The following DLGAP3 variants were observed in gnomAD, a reference collection of about 807,000 sequenced individuals.
DLGAP3 encodes the protein DLG associated protein 3, also known as disks large-associated protein 3.
DLGAP3 carries 17 observed loss-of-function variants against 81.2 expected under a neutral mutation model. The observed-to-expected ratio is 0.21, with a 90% CI of 0.14 to 0.31. The LOEUF (loss-of-function observed/expected upper bound fraction) is 0.31. DLGAP3 is among the 10% of genes least tolerant of loss of function. DLGAP3 has a pLI of 1.00. For synonymous variants in DLGAP3, 577 were observed against 587.4 expected, an observed-to-expected ratio of 0.98 and a Z score of 0.26; for missense variants, 1,124 against 1,388.0, an observed-to-expected ratio of 0.81 and a Z score of 3.02.
chr1:34,865,783 G>C lies in DLGAP3; in HGVS notation c.*300C>G, dbSNP rs1318071865. The C allele has an allele frequency of 2.1e-6, 1 of 476,434 alleles. No individual in the cohort carries two copies. The highest frequency in any genetic ancestry group is 4.4e-5 in the East Asian group (1 of 22,752). The allele number at this position is 476,434 out of a possible 1,614,324, so 29.5% of individuals were successfully genotyped here. A position where few individuals can be genotyped will look rare whatever the true frequency, so the allele number is the denominator to read the frequency against. On this transcript the variant is annotated 3_prime_UTR_variant, in exon 12 of 12. Coordinates refer to ENST00000373347, the MANE Select transcript of DLGAP3 (RefSeq NM_001080418.3). ...GGCCCGGCCTGGCCCGTGGGGGAAAGAATGGCAGAGATGGTGCCCATGGGG... is the reference window on the plus strand; with the variant it reads ...GGCCCGGCCTGGCCCGTGGGGGAAACAATGGCAGAGATGGTGCCCATGGGG...
At chr1:34,888,330 T>TG (rs1222111459) in intron 5 of DLGAP3, among the ~76,000 whole-genome samples, 2 of 152,176 alleles carry the variant, frequency 1.3e-5, no homozygotes, top group Admixed American at 6.5e-5. Flanking sequence ...AGAGGGCAGG[T>TG]GAATTGTCTG....
chr1:34,904,490 G>C lies in DLGAP3; in HGVS notation c.894C>G (p.Asp298Glu). Residue 298 changes from aspartate to glutamate, a missense_variant, in exon 3 of 12, where the codon GAC becomes GAG. This residue lies in a region of DLGAP3 where 357 missense variants were observed against 408.8 expected (regional missense o/e 0.87). Transcript: ENST00000373347. The surrounding 1 kb of genome is among the most constrained non-coding windows in gnomAD (Gnocchi z 8.1). ...CLEGPDGSYR[D>E]LSFKGRSGGS... ...CGCCCGAGCGCCCCTTGAAGCTCAAGTCCCGGTAGGACCCATCTGGACCCT... is the reference window on the plus strand; with the variant it reads ...CGCCCGAGCGCCCCTTGAAGCTCAACTCCCGGTAGGACCCATCTGGACCCT... The C allele has an allele frequency of 6.2e-7, 1 of 1,614,232 alleles. No individual in the cohort carries two copies. Among genetic ancestry groups the C allele is most frequent in the Non-Finnish European group, 8.5e-7 (1 of 1,180,042 alleles).
chr1:34,927,022 A>G (rs1376038525), intron 1 of DLGAP3, among the ~76,000 whole-genome samples: 1 of 152,114 alleles, frequency 6.6e-6, no homozygotes, highest in Non-Finnish European at 1.5e-5. Flanking sequence ...GCAGGTACTA[A>G]CATGAGAAAG....
intron 2 of DLGAP3, among the ~76,000 whole-genome samples, chr1:34,906,094 T>G (rs966467817): frequency 5.7e-4 from 79 of 139,024 alleles, no homozygotes; most frequent in African/African-American, 1.9e-3. Context: ...ATATATATTT[T>G]TATATACACA....
Position 34,895,162 on chromosome 1 carries a change from TC to T in DLGAP3, c.1386+4506del, listed in dbSNP as rs1407705717. 2.0e-5 allele frequency among the ~76,000 whole-genome samples: 3 copies of T among 151,968 alleles called. No individual in the cohort carries two copies. The highest frequency in any genetic ancestry group is 4.4e-5 in the Non-Finnish European group (3 of 68,012). On this transcript the variant is annotated intron_variant, in intron 5 of 11. Coordinates refer to ENST00000373347, the MANE Select transcript of DLGAP3 (RefSeq NM_001080418.3). This position sits in a 1 kb window ranked among gnomAD's most constrained non-coding sequence, Gnocchi z 4.5. ...GCAGGCGGATGACGAGGTCAGGAGA[TC>T]GAGACGATCCTGGCTAACACGGTGA...
chr1:34,877,820 TGAA>T (rs1639081246), intron 8 of DLGAP3, among the ~76,000 whole-genome samples: 1 of 151,728 alleles, frequency 6.6e-6, no homozygotes, highest in Non-Finnish European at 1.5e-5. Flanking sequence ...ACCAGTGGAG[TGAA>T]GAAGAGAAAG....
intron 1 of DLGAP3, chr1:34,925,453 C>T (rs1639859001): frequency 6.6e-6 from 1 of 152,496 alleles, no homozygotes; most frequent in African/African-American, 2.4e-5. Flanking sequence ...TTCTGAGCCC[C>T]CTTTCTGAAG....
Position 34,906,016 on chromosome 1 carries a change from T to TTTTTTATATATATATATATATATATA in DLGAP3, c.-51-583_-51-582insTATATATATATATATATATATAAAAA, listed in dbSNP as rs60469155. On this transcript the variant is annotated intron_variant, in intron 2 of 11. Coordinates refer to ENST00000373347, the MANE Select transcript of DLGAP3 (RefSeq NM_001080418.3). Reference sequence around the variant, plus strand: ...ACAGAGCGAGACCTGGCCTCTAAATTTATATATATATATATATTTGTTTGT... The same window carrying TTTTTTATATATATATATATATATATA: ...ACAGAGCGAGACCTGGCCTCTAAATTTTTTTATATATATATATATATATATATATATATATATATATATTTGTTTGT... Among the ~76,000 whole-genome samples, 111 of 64,792 alleles carry TTTTTTATATATATATATATATATATA rather than the reference T, an allele frequency of 1.7e-3. 5 individuals carry two copies. The highest frequency in any genetic ancestry group is 4.7e-3 in the African/African-American group (101 of 21,608). 42.5% of individuals were successfully genotyped at this position (64,792 alleles called of 152,430 possible).
At chr1:34,907,535 C>T (rs960798885) in intron 1 of DLGAP3, 98 bp from the exon 2 acceptor site, 1 of 152,640 alleles carries the variant, frequency 6.6e-6, no homozygotes, top group Non-Finnish European at 1.5e-5. Context: ...CCCTTCCCAA[C>T]TCCCCCAAAC....
At position 34,882,471 on chromosome 1, in the gene DLGAP3, G is replaced by C. The variant is rs1234628334; in HGVS notation, c.2000+2507C>G. ...CCAGCCTGGACGACAAGAGCAAAAT[G>C]CCATCTCAAAAAAAATAAAATTAAA... On this transcript the variant is annotated intron_variant, in intron 8 of 11. Coordinates refer to ENST00000373347, the MANE Select transcript of DLGAP3 (RefSeq NM_001080418.3). 2.0e-5 allele frequency among the ~76,000 whole-genome samples: 3 copies of C among 152,068 alleles called. No homozygotes were observed. The East Asian group carries it at 5.8e-4, about 29-fold the overall frequency.
At position 34,900,453 on chromosome 1, in the gene DLGAP3, C is replaced by T. The variant is rs554796349; in HGVS notation, c.1108-180G>A. 1.3e-4 allele frequency among the ~76,000 whole-genome samples: 20 copies of T among 152,350 alleles called. No homozygotes were observed. The highest frequency in any genetic ancestry group is 8.3e-4 in the South Asian group (4 of 4,830). On this transcript the variant is annotated intron_variant, in intron 3 of 11. Coordinates refer to ENST00000373347, the MANE Select transcript of DLGAP3 (RefSeq NM_001080418.3). This position sits in a 1 kb window ranked among gnomAD's most constrained non-coding sequence, Gnocchi z 5.6. ...TGTCCCCGTCCCTTACAAGAGACAC[C>T]TCGTCATCCTCCACAGACCTTCTGC...
At chr1:34,909,407 A>G (rs1346472065) in intron 1 of DLGAP3, among the ~76,000 whole-genome samples, 2 of 152,184 alleles carry the variant, frequency 1.3e-5, no homozygotes, top group Non-Finnish European at 1.5e-5. Flanking sequence ...CGTATGTGAC[A>G]CCTGACGTAG....
At position 34,868,729 on chromosome 1, in the gene DLGAP3, G is replaced by C; in HGVS notation, c.2361C>G (p.Arg787=). ...CGCCGTCGCGTGGGCAGGGGGATGC[G>C]CGGCCTGAGTCGGGGAGGCTACGTG... ...RGSRSLPDSG[R]ASPCPRDGEW... Residue 787 remains arginine (R), a synonymous_variant, in exon 9 of 12, where the codon CGC becomes CGG. Transcript: ENST00000373347. This position sits in a 1 kb window ranked among gnomAD's most constrained non-coding sequence, Gnocchi z 7.5. 8 of 1,609,736 alleles carry C rather than the reference G, an allele frequency of 5.0e-6. No homozygotes were observed. Among genetic ancestry groups the C allele is most frequent in the South Asian group, 1.1e-5 (1 of 91,074 alleles).
chr1:34,903,385 C>A (rs952030345), intron 3 of DLGAP3, among the ~76,000 whole-genome samples: 6 of 152,336 alleles, frequency 3.9e-5, no homozygotes, highest in South Asian at 4.1e-4. Context: ...ATCCACAGCA[C>A]CCAGAAAACG....
intron 1 of DLGAP3, among the ~76,000 whole-genome samples, chr1:34,911,801 T>G (rs1414801648): frequency 2.0e-5 from 3 of 152,096 alleles, no homozygotes; most frequent in Non-Finnish European, 2.9e-5. Flanking sequence ...CGCCAGGAGG[T>G]TGTCACTGCC....
At position 34,884,895 on chromosome 1, in the gene DLGAP3, G is replaced by C. The variant is rs945988897; in HGVS notation, c.2000+83C>G. 15 of 1,067,350 alleles carry C rather than the reference G, an allele frequency of 1.4e-5. No individual in the cohort carries two copies. In the African/African-American group the frequency reaches 2.2e-4, roughly 15 times the overall value. The allele number at this position is 1,067,350 out of a possible 1,614,324, so 66.1% of individuals were successfully genotyped here. ...CTTCCAGGAAAAGAGGATGTGCAGG[G>C]AGACTGGGCTAGTGGGGACACTATG... On this transcript the variant is annotated intron_variant, in intron 8 of 11. Coordinates refer to ENST00000373347, the MANE Select transcript of DLGAP3 (RefSeq NM_001080418.3).
intron 5 of DLGAP3, among the ~76,000 whole-genome samples, chr1:34,892,550 T>C (rs1310164911): frequency 6.6e-6 from 1 of 152,160 alleles, no homozygotes; most frequent in Non-Finnish European, 1.5e-5. Context: ...TTGCCCAGGC[T>C]TCAGTGCAGT....
At chr1:34,894,264 C>CAA (rs59073158) in intron 5 of DLGAP3, among the ~76,000 whole-genome samples, 24,492 of 116,942 alleles carry the variant, frequency 0.21, 2,526 homozygotes, top group Middle Eastern at 0.31. Flanking sequence ...TAAGATAAAG[C>CAA]AAAAAAAAAA....
rs1428313493 is a variant in DLGAP3, at chr1:34,868,815, C to T, written c.2275G>A (p.Ala759Thr). Residue 759 changes from alanine (A) to threonine (T), a missense_variant, in exon 9 of 12, where the codon GCC becomes ACC. Transcript: ENST00000373347. The surrounding 1 kb of genome is among the most constrained non-coding windows in gnomAD (Gnocchi z 7.5). ...CCAGGGCCGGGGGTGGGGGCGGGGG[C>T]AGGGCCGGGCGACCCATCGGTGGCC... ...PPATDGSPGP[A>T]PAPTPGPGAG... 4 of 1,577,928 alleles carry T rather than the reference C, an allele frequency of 2.5e-6. No homozygotes were observed. Among genetic ancestry groups the T allele is most frequent in the Admixed American group, 1.7e-5 (1 of 57,802 alleles).
Sources: allele counts gnomAD v4.1 joint callset (sites outside exome capture counted in the v4.1 genomes callset), GRCh38; gene constraint gnomAD v4.1.1; regional missense constraint gnomAD v4.1.1; non-coding constraint Gnocchi (gnomAD v3.1); transcripts MANE v1.5; gene names NCBI Gene and HGNC (gene_info 2026-07-23, HGNC 2026-07-21).